DPY19L3: variants seen among roughly 807,000 people sequenced by gnomAD.
The protein encoded by DPY19L3 is protein C-mannosyl-transferase DPY19L3.
DPY19L3 carries 51 observed loss-of-function variants against 92.3 expected under a neutral mutation model. The ratio of observed to expected loss-of-function variants is 0.55; its 90% confidence interval spans 0.44 to 0.70. The LOEUF is 0.70. Ranked by LOEUF, DPY19L3 falls within the 30% of genes least tolerant of loss-of-function variation. The pLI is 0.00. For synonymous variants in DPY19L3, 309 were observed against 315.2 expected, an observed-to-expected ratio of 0.98 and a Z score of 0.21; for missense variants, 706 against 855.9, an observed-to-expected ratio of 0.82 and a Z score of 2.18.
intron 3 of DPY19L3, chr19:32,413,288 T>A (rs1056741892): frequency 3.9e-5 from 6 of 152,204 alleles, no homozygotes; most frequent in African/African-American, 1.4e-4. Context: ...TTGATTCTCT[T>A]ACTGAAATGA....
At chr19:32,414,141 C>A (rs1968295288) in intron 3 of DPY19L3, among the ~76,000 whole-genome samples, 1 of 152,036 alleles carries the variant, frequency 6.6e-6, no homozygotes. Flanking sequence ...AAGAAGAGGG[C>A]CGGGCGCAGT....
intron 3 of DPY19L3, among the ~76,000 whole-genome samples, chr19:32,429,372 A>G (rs749537016): frequency 6.6e-6 from 1 of 152,208 alleles, no homozygotes; most frequent in Non-Finnish European, 1.5e-5. Context: ...TAAAACTGGA[A>G]AAGTGTTTGA....
intron 16 of DPY19L3, among the ~76,000 whole-genome samples, chr19:32,470,459 T>C (rs1424654627): frequency 1.3e-5 from 2 of 152,178 alleles, no homozygotes; most frequent in African/African-American, 4.8e-5. Flanking sequence ...CTCCTTAGAT[T>C]AGCACCATAA....
intron 6 of DPY19L3, among the ~76,000 whole-genome samples, chr19:32,438,036 G>T (rs1048646352): frequency 3.9e-5 from 6 of 152,114 alleles, no homozygotes; most frequent in South Asian, 2.1e-4. Flanking sequence ...CTCTCAGTTA[G>T]TAGAGCTTAA....
rs142154486 is a variant in DPY19L3, at chr19:32,473,273, A to G, written c.1698-4249A>G. 5.1e-3 allele frequency among the ~76,000 whole-genome samples: 774 copies of G among 152,364 alleles called. 4 individuals are homozygous for G. The highest frequency in any genetic ancestry group is 7.8e-3 in the Non-Finnish European group (533 of 68,034). On this transcript the variant is annotated intron_variant, in intron 16 of 18. Coordinates refer to ENST00000392250, the MANE Select transcript of DPY19L3 (RefSeq NM_001172774.2). The stretch of plus-strand genomic sequence containing the variant: ...TTGTGTGCAGGTTGGGCAGCCTGCT[A>G]TGGAGCTTGGCAGAGAGCTATAAAA...
chr19:32,475,165 ATCT>A (rs1970468720), intron 16 of DPY19L3, among the ~76,000 whole-genome samples: 1 of 152,202 alleles, frequency 6.6e-6, no homozygotes. Context: ...AGCTTTGTGC[ATCT>A]TCTTGGTGCT....
intron 16 of DPY19L3, among the ~76,000 whole-genome samples, chr19:32,476,528 CAAAA>C (rs71176126): frequency 2.1e-5 from 2 of 93,316 alleles, no homozygotes; most frequent in East Asian, 2.8e-4. Flanking sequence ...CTCAGGTTTC[CAAAA>C]AAAAAAAAAA....
chr19:32,435,376 T>C (rs1479331132), intron 4 of DPY19L3, among the ~76,000 whole-genome samples: 3 of 152,184 alleles, frequency 2.0e-5, no homozygotes, highest in Admixed American at 6.5e-5. Flanking sequence ...AACATCTGGG[T>C]TGTTTTGGAT....
At chr19:32,473,657 G>A (rs1320474649) in intron 16 of DPY19L3, among the ~76,000 whole-genome samples, 1 of 152,154 alleles carries the variant, frequency 6.6e-6, no homozygotes, top group Non-Finnish European at 1.5e-5. Context: ...TTGCCTTACG[G>A]GTAGAGTGAA....
At chr19:32,478,699 G>A (rs1347015691) in intron 17 of DPY19L3, among the ~76,000 whole-genome samples, 1 of 152,142 alleles carries the variant, frequency 6.6e-6, no homozygotes, top group African/African-American at 2.4e-5. Context: ...ATGTGTTTTG[G>A]AAAACATTCT....
At chr19:32,439,511 T>G (rs945558431) in intron 7 of DPY19L3, among the ~76,000 whole-genome samples, 4 of 152,242 alleles carry the variant, frequency 2.6e-5, no homozygotes, top group African/African-American at 9.6e-5. Context: ...GTCAGAATTT[T>G]TAAGCCCTTG....
chr19:32,433,039 T>C (rs1458446662), intron 4 of DPY19L3, among the ~76,000 whole-genome samples: 1 of 152,228 alleles, frequency 6.6e-6, no homozygotes, highest in Non-Finnish European at 1.5e-5. Flanking sequence ...AAGTAATATC[T>C]TTGCAATTTC....
intron 3 of DPY19L3, among the ~76,000 whole-genome samples, chr19:32,430,567 A>C (rs1968925790): frequency 6.6e-6 from 1 of 152,130 alleles, no homozygotes; most frequent in South Asian, 2.1e-4. Flanking sequence ...AAATATATTA[A>C]ATAAATAATT....
chr19:32,435,401 T>C (rs1568335829), intron 4 of DPY19L3, among the ~76,000 whole-genome samples: 2 of 152,272 alleles, frequency 1.3e-5, no homozygotes, highest in Admixed American at 6.5e-5. Flanking sequence ...CTTTTGCTGG[T>C]ACAAATGGTG....
intron 3 of DPY19L3, among the ~76,000 whole-genome samples, chr19:32,425,701 T>C (rs1968737566): frequency 6.6e-6 from 1 of 152,228 alleles, no homozygotes; most frequent in Admixed American, 6.5e-5. Context: ...AAAGAATTTT[T>C]TTTTTCTGTG....
At chr19:32,431,839 T>C (rs1341471179) in intron 3 of DPY19L3, among the ~76,000 whole-genome samples, 1 of 152,228 alleles carries the variant, frequency 6.6e-6, no homozygotes, top group East Asian at 1.9e-4. Flanking sequence ...ATGGTGCCTT[T>C]ATAAGTAATC....
At chr19:32,445,424 G>A (rs1368199961) in intron 8 of DPY19L3, among the ~76,000 whole-genome samples, 1 of 81,946 alleles carries the variant, frequency 1.2e-5, no homozygotes, top group Non-Finnish European at 2.1e-5. Flanking sequence ...CTGGGGGACA[G>A]AGCGAGACTT....
chr19:32,443,285 A>G (rs113668770), intron 8 of DPY19L3, among the ~76,000 whole-genome samples: 25 of 152,292 alleles, frequency 1.6e-4, no homozygotes, highest in African/African-American at 6.0e-4. Flanking sequence ...TTGGACTTCC[A>G]TTTCCGTCTG....
In DPY19L3 at chr19:32,436,703, A is replaced by G. The variant is rs890381376; in HGVS notation, c.450+136A>G. The G allele has an allele frequency of 7.8e-5, 62 of 797,238 alleles. No homozygotes were observed. In the African/African-American group the frequency reaches 1.0e-3, roughly 13 times the overall value. 49.4% of individuals were successfully genotyped at this position (797,238 alleles called of 1,614,324 possible). On this transcript the variant is annotated intron_variant, in intron 5 of 18. Transcript: ENST00000392250. ...ATCAGCAATACTATATTTTTTTTCC[A>G]TGTATATTATGAACTTTATAAGATA...
Sources: allele counts gnomAD v4.1 joint callset (sites outside exome capture counted in the v4.1 genomes callset), GRCh38; gene constraint gnomAD v4.1.1; transcripts MANE v1.5; gene names NCBI Gene and HGNC (gene_info 2026-07-23, HGNC 2026-07-21).